The following ZSCAN25 variants were observed in gnomAD, a reference collection of about 807,000 sequenced individuals.
ZSCAN25 encodes the protein zinc finger and SCAN domain containing 25, also known as zinc finger and SCAN domain-containing protein 25.
ZSCAN25 carries 27 observed loss-of-function variants against 38.7 expected under a neutral mutation model. The observed-to-expected ratio is 0.70, with a 90% CI of 0.51 to 0.96. The LOEUF is 0.96. Ranked by LOEUF, ZSCAN25 falls within the 40% of genes least tolerant of loss-of-function variation. ZSCAN25 has a pLI of 0.00. For missense variants in ZSCAN25, 637 were observed against 705.9 expected (o/e 0.90, Z 1.11); for synonymous variants, 273 against 277.7 (o/e 0.98, Z 0.17).
At chr7:99,699,031 C>T in the ZSCAN25 span, among the ~76,000 whole-genome samples, 1 of 152,200 alleles carries the variant, frequency 6.6e-6, no homozygotes, top group African/African-American at 2.4e-5. Context: ...TGGAAAGTAA[C>T]TCTTCTCTCC....
the ZSCAN25 span, among the ~76,000 whole-genome samples, chr7:99,696,387 T>A: frequency 6.6e-6 from 1 of 152,316 alleles, no homozygotes; most frequent in African/African-American, 2.4e-5. Flanking sequence ...GCTCTGACCC[T>A]ATTTTAGGAT....
At chr7:99,676,584 G>A in the ZSCAN25 span, 1 of 1,348,798 alleles carries the variant, frequency 7.4e-7, no homozygotes, top group African/African-American at 1.5e-5. Flanking sequence ...ATCCTAGGTA[G>A]AAAGAGTAAG....
At chr7:99,654,224 C>T in the ZSCAN25 span, among the ~76,000 whole-genome samples, 2 of 152,100 alleles carry the variant, frequency 1.3e-5, no homozygotes, top group Non-Finnish European at 2.9e-5. Context: ...AATGCTATCC[C>T]TCCCCACTCC....
At chr7:99,618,199 T>G (rs1806633462) in intron 1 of ZSCAN25, 1 of 152,224 alleles carries the variant, frequency 6.6e-6, no homozygotes, top group Non-Finnish European at 1.5e-5. Context: ...TTCCGCATAA[T>G]CCACTTGGAG....
the ZSCAN25 span, among the ~76,000 whole-genome samples, chr7:99,662,340 G>T: frequency 1.3e-5 from 2 of 152,224 alleles, no homozygotes; most frequent in Non-Finnish European, 2.9e-5. The surrounding 1 kb of genome is among the most constrained non-coding windows in gnomAD (Gnocchi z 4.3). Context: ...GATTTACATG[G>T]TATCAGAGGT....
chr7:99,648,451 G>C, the ZSCAN25 span: 120 of 1,168,686 alleles, frequency 1.0e-4, no homozygotes, highest in Non-Finnish European at 1.3e-4. Context: ...AGTGAAAGAA[G>C]AAAAGATGGA....
chr7:99,700,125 C>T, the ZSCAN25 span: 2 of 868,908 alleles, frequency 2.3e-6, no homozygotes, highest in Non-Finnish European at 1.9e-6. Flanking sequence ...GCATCCCTGC[C>T]CTGCACAGCA....
chr7:99,663,381 C>G, the ZSCAN25 span: 3 of 991,526 alleles, frequency 3.0e-6, no homozygotes, highest in Admixed American at 1.7e-4. Context: ...GTTACCTGGT[C>G]CTGTCTCCCT....
the ZSCAN25 span, chr7:99,700,027 A>G: frequency 6.2e-7 from 1 of 1,609,370 alleles, no homozygotes; most frequent in Non-Finnish European, 8.5e-7. Flanking sequence ...ATTTGGGATG[A>G]GGTCCATCGC....
At chr7:99,678,504 G>A in the ZSCAN25 span, among the ~76,000 whole-genome samples, 2 of 152,152 alleles carry the variant, frequency 1.3e-5, no homozygotes, top group Non-Finnish European at 2.9e-5. Flanking sequence ...TTGAAAAGAC[G>A]TGCAGTCTTG....
the ZSCAN25 span, among the ~76,000 whole-genome samples, chr7:99,723,009 C>T: frequency 5.9e-4 from 78 of 133,214 alleles, 1 homozygote; most frequent in Admixed American, 1.6e-3. Context: ...ACACTTGCTC[C>T]GAGTTTGCAC....
At chr7:99,730,956 T>G in the ZSCAN25 span, 2 of 1,458,846 alleles carry the variant, frequency 1.4e-6, no homozygotes, top group Non-Finnish European at 1.9e-6. Flanking sequence ...TCTGAAAGTA[T>G]AAAATCTCAG....
At chr7:99,635,290 T>G (rs1808227668), downstream of ZSCAN25, among the ~76,000 whole-genome samples, 1 of 152,174 alleles carries the variant, frequency 6.6e-6, no homozygotes, top group African/African-American at 2.4e-5. Context: ...CTCATTTACT[T>G]ATATTAAACA....
At chr7:99,730,202 A>T in the ZSCAN25 span, among the ~76,000 whole-genome samples, 1 of 152,252 alleles carries the variant, frequency 6.6e-6, no homozygotes, top group Non-Finnish European at 1.5e-5. Flanking sequence ...TCCATGAGGC[A>T]CATATGACAT....
At position 99,629,073 on chromosome 7, in the gene ZSCAN25, G is replaced by C; in HGVS notation, c.806-118G>C. Reference sequence around the variant, plus strand: ...AGTAAGGAAAGCCTGAGTTGAGGTTGTTGGTCAAAGGAAAAAAGAGAAGGA... The same window carrying C: ...AGTAAGGAAAGCCTGAGTTGAGGTTCTTGGTCAAAGGAAAAAAGAGAAGGA... On this transcript the variant is annotated intron_variant, in intron 7 of 7. Transcript: ENST00000394152. The surrounding 1 kb of genome is among the most constrained non-coding windows in gnomAD (Gnocchi z 5.6). The C allele has an allele frequency of 7.2e-7, 1 of 1,391,270 alleles. No individual in the cohort carries two copies. The highest frequency in any genetic ancestry group is 1.5e-5 in the South Asian group (1 of 66,000). 86.2% of individuals were successfully genotyped at this position (1,391,270 alleles called of 1,614,324 possible).
At chr7:99,664,826 A>C in the ZSCAN25 span, among the ~76,000 whole-genome samples, 1 of 152,332 alleles carries the variant, frequency 6.6e-6, no homozygotes, top group African/African-American at 2.4e-5. Flanking sequence ...TAACAGACTA[A>C]AATAAACTCA....
chr7:99,736,509 C>T, the ZSCAN25 span, among the ~76,000 whole-genome samples: 1 of 152,124 alleles, frequency 6.6e-6, no homozygotes, highest in Non-Finnish European at 1.5e-5. Context: ...GGAGAGATCT[C>T]AGTGATGAGG....
chr7:99,731,526 C>T, the ZSCAN25 span, among the ~76,000 whole-genome samples: 1 of 152,196 alleles, frequency 6.6e-6, no homozygotes, highest in Admixed American at 6.5e-5. Context: ...TTGGGATTCT[C>T]ATCCTAGGTA....
the ZSCAN25 span, chr7:99,674,551 T>C: frequency 6.2e-7 from 1 of 1,613,736 alleles, no homozygotes; most frequent in Admixed American, 1.7e-5. Flanking sequence ...TTTTCCATAC[T>C]TTTTATAGCA....
Sources: allele counts gnomAD v4.1 joint callset (sites outside exome capture counted in the v4.1 genomes callset), GRCh38; gene constraint gnomAD v4.1.1; non-coding constraint Gnocchi (gnomAD v3.1); transcripts MANE v1.5; gene names NCBI Gene and HGNC (gene_info 2026-07-23, HGNC 2026-07-21).